The following PRKG2 variants were observed in gnomAD, a reference collection of about 807,000 sequenced individuals.
PRKG2 encodes the protein cGMP-dependent protein kinase 2.
Under a neutral mutation model 97.2 loss-of-function variants are expected in PRKG2, and 33 were observed. The ratio of observed to expected loss-of-function variants is 0.34; its 90% CI spans 0.26 to 0.45. The LOEUF (loss-of-function observed/expected upper bound fraction) is 0.45. Among genes scored for constraint, PRKG2 ranks in the 20% least tolerant of loss-of-function variants. PRKG2 has a pLI of 1.00. For synonymous variants in PRKG2, 330 were observed against 321.8 expected, an observed-to-expected ratio of 1.03 and a Z score of -0.27; for missense variants, 638 against 900.0, an observed-to-expected ratio of 0.71 and a Z score of 3.73.
chr4:81,111,540 G>A (rs1267262443), intron 14 of PRKG2, among the ~76,000 whole-genome samples: 1 of 151,866 alleles, frequency 6.6e-6, no homozygotes, highest in Non-Finnish European at 1.5e-5. Context: ...TTAGGGAGAT[G>A]ATGGTTGGGG....
chr4:81,095,077 T>C (rs770081856), intron 17 of PRKG2, among the ~76,000 whole-genome samples: 1 of 152,180 alleles, frequency 6.6e-6, no homozygotes, highest in Non-Finnish European at 1.5e-5. Flanking sequence ...ATCTTCCACC[T>C]TTCTCACTCT....
At chr4:81,156,671 T>C (rs963126263) in intron 6 of PRKG2, among the ~76,000 whole-genome samples, 6 of 152,154 alleles carry the variant, frequency 3.9e-5, no homozygotes, top group Admixed American at 6.5e-5. Flanking sequence ...ATTGACCACA[T>C]ACTTGGAAGT....
At chr4:81,167,542 G>A (rs373241296) in intron 5 of PRKG2, among the ~76,000 whole-genome samples, 5 of 152,052 alleles carry the variant, frequency 3.3e-5, no homozygotes, top group Admixed American at 6.6e-5. Flanking sequence ...ACAGTGAATC[G>A]CATTTGGAAG....
intron 2 of PRKG2, among the ~76,000 whole-genome samples, chr4:81,183,646 C>T (rs1193956379): frequency 1.3e-5 from 2 of 151,696 alleles, no homozygotes; most frequent in Non-Finnish European, 2.9e-5. Context: ...AAGACAGAAT[C>T]GTTCACTCCC....
intron 14 of PRKG2, 32 bp downstream of exon 14, chr4:81,135,123 T>C: frequency 6.4e-7 from 1 of 1,573,696 alleles, no homozygotes; most frequent in East Asian, 2.3e-5. Context: ...AAATATCTCA[T>C]ATGAGACTGT....
chr4:81,112,153 A>G (rs754532023), intron 14 of PRKG2, among the ~76,000 whole-genome samples: 4 of 152,206 alleles, frequency 2.6e-5, no homozygotes, highest in Non-Finnish European at 5.9e-5. Context: ...TATTTATCAC[A>G]CAACAGCAAG....
intron 6 of PRKG2, among the ~76,000 whole-genome samples, chr4:81,157,375 A>G (rs1173474002): frequency 6.6e-6 from 1 of 152,196 alleles, no homozygotes; most frequent in Non-Finnish European, 1.5e-5. Flanking sequence ...CCAAGACTAA[A>G]CCAGGAAGAA....
chr4:81,137,190 C>T (rs1182106638), intron 13 of PRKG2, among the ~76,000 whole-genome samples: 1 of 152,140 alleles, frequency 6.6e-6, no homozygotes, highest in Non-Finnish European at 1.5e-5. Flanking sequence ...TTCTTTACTT[C>T]CTAAAACAGA....
At position 81,116,985 on chromosome 4, in the gene PRKG2, CT is replaced by C. The variant is rs58361616; in HGVS notation, c.1777-6375del. 2.9e-3 allele frequency among the ~76,000 whole-genome samples: 231 copies of C among 78,988 alleles called. 1 individual carries two copies. Among genetic ancestry groups the C allele is most frequent in the East Asian group, 0.015 (32 of 2,138 alleles). The allele number at this position is 78,988 out of a possible 152,430, so 51.8% of individuals were successfully genotyped here. A position where few individuals can be genotyped will look rare whatever the true frequency, so the allele number is the denominator to read the frequency against. On this transcript the variant is annotated intron_variant, in intron 14 of 18. Transcript: ENST00000264399. ...AGGTTATCTATTTACCCTGTTGTTA[CT>C]TTTTTTTTTTTTTTTTTTTTTTTTG...
chr4:81,169,550 G>A, intron 5 of PRKG2, 113 bp downstream of exon 5: 1 of 776,874 alleles, frequency 1.3e-6, no homozygotes, highest in Non-Finnish European at 2.1e-6. Flanking sequence ...TTAGTCATGT[G>A]GAAAATGCTT....
chr4:81,174,448 C>T (rs1403604234), intron 3 of PRKG2, among the ~76,000 whole-genome samples: 1 of 151,986 alleles, frequency 6.6e-6, no homozygotes, highest in Non-Finnish European at 1.5e-5. Flanking sequence ...ACCTCCACTG[C>T]TTATGATCTA....
chr4:81,115,213 T>C (rs1744394848), intron 14 of PRKG2, among the ~76,000 whole-genome samples: 1 of 152,214 alleles, frequency 6.6e-6, no homozygotes, highest in East Asian at 1.9e-4. Context: ...GATTGTATGA[T>C]ATTGCCACCC....
At position 81,205,004 on chromosome 4, in the gene PRKG2, T is replaced by C. The variant is rs1753567278; in HGVS notation, c.44A>G (p.Asp15Gly). The change falls in exon 2 of 19, where the codon GAT (aspartate) becomes GGT (glycine). Residue 15 changes from aspartate to glycine, a missense_variant. By Grantham distance (94) the Asp-to-Gly change is moderately conservative (BLOSUM62 -1). Transcript: ENST00000264399. ...AGTGGTGAGGTTCCCAGAGTGTCCA[T>C]CTGGGTGCTTAGAATGTTTAGGTTT... ...SVKPKHSKHP[D>G]GHSGNLTTDA... 1.2e-6 allele frequency: 2 copies of C among 1,613,432 alleles called. No individual in the cohort carries two copies. Among genetic ancestry groups the C allele is most frequent in the Non-Finnish European group, 1.7e-6 (2 of 1,179,786 alleles).
chr4:81,117,633 T>C (rs375514084), intron 14 of PRKG2, among the ~76,000 whole-genome samples: 1 of 152,216 alleles, frequency 6.6e-6, no homozygotes, highest in African/African-American at 2.4e-5. Flanking sequence ...AGTTATATAA[T>C]GTTTTTCTCA....
chr4:81,206,368 C>T (rs1753651189), intron 1 of PRKG2, among the ~76,000 whole-genome samples: 1 of 152,156 alleles, frequency 6.6e-6, no homozygotes, highest in African/African-American at 2.4e-5. Flanking sequence ...GGGGGCGGAT[C>T]TTTCCCATGC....
At chr4:81,098,575 C>T (rs1442376402) in intron 17 of PRKG2, among the ~76,000 whole-genome samples, 1 of 152,070 alleles carries the variant, frequency 6.6e-6, no homozygotes, top group Non-Finnish European at 1.5e-5. Context: ...GTTTCTTTTA[C>T]TTCAATACTT....
intron 11 of PRKG2, among the ~76,000 whole-genome samples, chr4:81,141,199 T>TG (rs1302520822): frequency 1.3e-5 from 2 of 151,922 alleles, no homozygotes; most frequent in African/African-American, 4.8e-5. Flanking sequence ...TTTATAAAGG[T>TG]GGGGCCTCAC....
chr4:81,119,325 C>T (rs561363712), intron 14 of PRKG2, among the ~76,000 whole-genome samples: 1 of 152,242 alleles, frequency 6.6e-6, no homozygotes, highest in Non-Finnish European at 1.5e-5. Context: ...TACTTTTTAG[C>T]GTCTGGATGT....
At chr4:81,161,737 C>T (rs1237566406) in intron 6 of PRKG2, among the ~76,000 whole-genome samples, 1 of 152,150 alleles carries the variant, frequency 6.6e-6, no homozygotes, top group Non-Finnish European at 1.5e-5. Context: ...CTCTGGATTT[C>T]ACTTCTGCTG....
Sources: gnomAD v4.1 joint callset for allele counts (sites outside exome capture counted in the v4.1 genomes callset) on GRCh38, gnomAD v4.1.1 for gene constraint, MANE v1.5 for transcripts, NCBI Gene and HGNC (gene_info 2026-07-23, HGNC 2026-07-21) for gene names.